Variants in GABRG3 observed in about 807,000 individuals in gnomAD.
GABRG3 encodes gamma-aminobutyric acid receptor subunit gamma-3.
GABRG3 carries 25 observed loss-of-function variants against 48.8 expected under a neutral mutation model. That is an observed-to-expected ratio of 0.51 (90% CI 0.37 to 0.72). GABRG3 has a LOEUF of 0.72. Ranked by LOEUF, GABRG3 falls within the 30% of genes least tolerant of loss-of-function variation. The pLI is 0.00. For synonymous variants in GABRG3, 227 were observed against 217.6 expected, an observed-to-expected ratio of 1.04 and a Z score of -0.38; for missense variants, 394 against 577.9, an observed-to-expected ratio of 0.68 and a Z score of 3.26.
chr15:27,091,422 T>C (rs1021144818), intron 3 of GABRG3, among the ~76,000 whole-genome samples: 1 of 152,214 alleles, frequency 6.6e-6, no homozygotes, highest in African/African-American at 2.4e-5. Context: ...TAGGGGATAT[T>C]GTTCTGTCGT....
At chr15:27,208,678 G>A (rs1198503482) in intron 3 of GABRG3, 1 of 152,716 alleles carries the variant, frequency 6.5e-6, no homozygotes, top group African/African-American at 2.4e-5. Flanking sequence ...GCCAGCAAGG[G>A]GGAGTCTGGC....
chr15:27,157,516 A>G (rs890549886), intron 3 of GABRG3: 1 of 152,140 alleles, frequency 6.6e-6, no homozygotes, highest in African/African-American at 2.4e-5. Context: ...TTTTGTTATC[A>G]ACCTGAACTT....
chr15:27,443,661 T>G (rs915153803), intron 5 of GABRG3, among the ~76,000 whole-genome samples: 1 of 152,312 alleles, frequency 6.6e-6, no homozygotes, highest in Middle Eastern at 3.4e-3. Flanking sequence ...TGATTGAACT[T>G]TCTAGAATGT....
At position 27,412,240 on chromosome 15, in the gene GABRG3, A is replaced by G. The variant is rs551118327; in HGVS notation, c.575-68410A>G. Among the ~76,000 whole-genome samples the G allele has an allele frequency of 5.3e-5, 8 of 152,202 alleles. No homozygotes were observed. In the East Asian group the frequency reaches 7.8e-4, roughly 15 times the overall value. On this transcript the variant is annotated intron_variant, in intron 5 of 9. Coordinates refer to ENST00000615808, the MANE Select transcript of GABRG3 (RefSeq NM_033223.5). The stretch of plus-strand genomic sequence containing the variant: ...TTCCCCAATGGTGACATCCTGCAAA[A>G]GGATAGTACAATACCAAAACATGGA...
intron 3 of GABRG3, among the ~76,000 whole-genome samples, chr15:27,220,808 T>G (rs1031174431): frequency 6.6e-6 from 1 of 152,062 alleles, no homozygotes; most frequent in Non-Finnish European, 1.5e-5. Flanking sequence ...GGATTCAAGA[T>G]TTTTCCTTTA....
chr15:27,091,200 T>C (rs1897179096), intron 3 of GABRG3, among the ~76,000 whole-genome samples: 1 of 152,242 alleles, frequency 6.6e-6, no homozygotes, highest in Non-Finnish European at 1.5e-5. Flanking sequence ...CATTAACAGA[T>C]ACTGTATTTT....
At chr15:26,992,842 G>A (rs1404240029) in intron 2 of GABRG3, among the ~76,000 whole-genome samples, 1 of 151,908 alleles carries the variant, frequency 6.6e-6, no homozygotes, top group African/African-American at 2.4e-5. Flanking sequence ...CAGTTCCCAG[G>A]CTTTTATTTA....
intron 3 of GABRG3, among the ~76,000 whole-genome samples, chr15:27,156,936 C>T (rs936756170): frequency 1.3e-5 from 2 of 152,164 alleles, no homozygotes; most frequent in Non-Finnish European, 2.9e-5. Flanking sequence ...GTCATTTCTT[C>T]CCATCATTTT....
chr15:27,503,900 C>T (rs1214542347), intron 6 of GABRG3, among the ~76,000 whole-genome samples: 1 of 152,140 alleles, frequency 6.6e-6, no homozygotes, highest in African/African-American at 2.4e-5. Flanking sequence ...TCTTGTGGCA[C>T]TGACCCTTTT....
In GABRG3 at chr15:27,004,485, C is replaced by T. The variant is rs184952716; in HGVS notation, c.203-22269C>T. On this transcript the variant is annotated intron_variant, in intron 2 of 9. Transcript: ENST00000615808. ...CGGACTGGGCAGCCAGGCAGAGGGG[C>T]TCCTCACATCCCAGACGATGGGCGG... Among the ~76,000 whole-genome samples, 565 of 151,400 alleles carry T rather than the reference C, an allele frequency of 3.7e-3. 9 individuals are homozygous for T. Among genetic ancestry groups the T allele is most frequent in the Admixed American group, 0.031 (469 of 15,228 alleles).
chr15:27,338,603 A>G (rs1894057784), intron 5 of GABRG3, among the ~76,000 whole-genome samples: 1 of 152,098 alleles, frequency 6.6e-6, no homozygotes, highest in Non-Finnish European at 1.5e-5. Context: ...CAGGAGGACC[A>G]TGCTCCTAGT....
chr15:27,518,465 CAT>C (rs1891082186), intron 6 of GABRG3, among the ~76,000 whole-genome samples: 1 of 151,734 alleles, frequency 6.6e-6, no homozygotes, highest in African/African-American at 2.4e-5. Context: ...ACAAGAGAGA[CAT>C]ATTCTATAAA....
intron 3 of GABRG3, among the ~76,000 whole-genome samples, chr15:27,286,344 T>G (rs1204473722): frequency 6.6e-6 from 1 of 152,238 alleles, no homozygotes; most frequent in Non-Finnish European, 1.5e-5. Flanking sequence ...ATCTGGGCCA[T>G]TTTCTTTTTC....
intron 3 of GABRG3, among the ~76,000 whole-genome samples, chr15:27,148,391 T>G (rs759814707): frequency 1.2e-4 from 18 of 152,014 alleles, no homozygotes; most frequent in Non-Finnish European, 2.4e-4. Context: ...TAGACCTAAA[T>G]GGCTTTGCTG....
intron 5 of GABRG3, among the ~76,000 whole-genome samples, chr15:27,426,910 T>C (rs1888309906): frequency 6.6e-6 from 1 of 152,196 alleles, no homozygotes; most frequent in Admixed American, 6.5e-5. Context: ...TGCATGATGC[T>C]TTCAGTCCCA....
chr15:27,424,032 A>C (rs1313916682), intron 5 of GABRG3, among the ~76,000 whole-genome samples: 1 of 152,124 alleles, frequency 6.6e-6, no homozygotes, highest in Non-Finnish European at 1.5e-5. Flanking sequence ...ATTCTCCTGC[A>C]GGAAAGAGTT....
intron 3 of GABRG3, among the ~76,000 whole-genome samples, chr15:27,263,114 G>C (rs1677651072): frequency 6.6e-6 from 1 of 152,214 alleles, no homozygotes; most frequent in Admixed American, 6.5e-5. Flanking sequence ...CAGAACGCTA[G>C]TGCCGCATCA....
Position 27,393,344 on chromosome 15 carries a change from C to CA in GABRG3, c.574+64474dup, listed in dbSNP as rs34689012. The stretch of plus-strand genomic sequence containing the variant: ...GGGTGACAGAGCGAGACTCCGTCTC[C>CA]AAAAAAAAAAAAAAAAAAGAAAAGA... On this transcript the variant is annotated intron_variant, in intron 5 of 9. Transcript: ENST00000615808. Among the ~76,000 whole-genome samples, 573 of 112,750 alleles carry CA rather than the reference C, an allele frequency of 5.1e-3. 2 individuals are homozygous for CA. The highest frequency in any genetic ancestry group is 0.013 in the African/African-American group (378 of 28,606). The allele number at this position is 112,750 out of a possible 152,430, so 74.0% of individuals were successfully genotyped here.
chr15:26,985,705 C>T (rs528402392), intron 2 of GABRG3, among the ~76,000 whole-genome samples: 46 of 151,982 alleles, frequency 3.0e-4, no homozygotes, highest in Non-Finnish European at 5.1e-4. Flanking sequence ...CGCCATGCCC[C>T]GCCACAGGTT....
Sources: gnomAD v4.1 joint callset for allele counts (sites outside exome capture counted in the v4.1 genomes callset) on GRCh38, gnomAD v4.1.1 for gene constraint, MANE v1.5 for transcripts, NCBI Gene and HGNC (gene_info 2026-07-23, HGNC 2026-07-21) for gene names.